ICA1L: variants seen among roughly 807,000 people sequenced by gnomAD.
ICA1L encodes the protein islet cell autoantigen 1-like protein.
Under a neutral mutation model 61.3 loss-of-function variants are expected in ICA1L, and 50 were observed. That is an observed-to-expected ratio of 0.82 (90% CI 0.65 to 1.03). The LOEUF is 1.03. Ranked by LOEUF, ICA1L falls within the 50% of genes least tolerant of loss-of-function variation. The pLI is 0.00. For synonymous variants in ICA1L, 161 were observed against 191.3 expected, an observed-to-expected ratio of 0.84 and a Z score of 1.31; for missense variants, 508 against 556.7, an observed-to-expected ratio of 0.91 and a Z score of 0.88.
chr2:202,811,754 C>A lies in ICA1L; in HGVS notation c.902G>T (p.Ser301Ile). 2.5e-6 allele frequency: 4 copies of A among 1,600,648 alleles called. No homozygotes were observed. In the South Asian group the frequency reaches 4.4e-5, roughly 18 times the overall value. Residue 301 changes from serine to isoleucine, a missense_variant, in exon 9 of 13, where the codon AGT (serine) becomes ATT (isoleucine). By Grantham distance (142) the Ser-to-Ile change is moderately radical. Coordinates refer to ENST00000358299, the MANE Select transcript of ICA1L (RefSeq NM_001288622.3). ...VLSDEEASFE[S>I]EQANKDHNEK... ...TAAATTTACCATCTTACCTTGTTCA[C>A]TCTCAAAGCTTGCTTCCTCATCAGA...
chr2:202,796,928 C>T lies in ICA1L; in HGVS notation c.947G>A (p.Arg316Lys). The change falls in exon 10 of 13, where the codon AGA becomes AAA. Residue 316 changes from arginine (R) to lysine (K), a missense_variant. Arg to Lys is a conservative substitution (Grantham distance 26). Coordinates refer to ENST00000358299, the MANE Select transcript of ICA1L (RefSeq NM_001288622.3). ...KDHNEKHSQMREFGAPQFSNS... is the reference protein window; with the variant it reads ...KDHNEKHSQMKEFGAPQFSNS... Reference sequence around the variant, plus strand: ...AGAAAACTGAGGTGCTCCAAATTCTCTCATTTGAGAATGTTTTTCATTGTG... The same window carrying T: ...AGAAAACTGAGGTGCTCCAAATTCTTTCATTTGAGAATGTTTTTCATTGTG... The T allele has an allele frequency of 6.2e-7, 1 of 1,603,452 alleles. No individual in the cohort carries two copies. The highest frequency in any genetic ancestry group is 8.5e-7 in the Non-Finnish European group (1 of 1,176,024).
chr2:202,780,816 T>TTGAG (rs1403431799), intron 12 of ICA1L, among the ~76,000 whole-genome samples: 2 of 152,288 alleles, frequency 1.3e-5, no homozygotes, highest in East Asian at 3.9e-4. Flanking sequence ...AAATCTGGCT[T>TTGAG]TGAGTCCTGG....
chr2:202,810,068 C>A (rs1330830077), intron 9 of ICA1L, among the ~76,000 whole-genome samples: 2 of 151,926 alleles, frequency 1.3e-5, no homozygotes, highest in East Asian at 3.9e-4. Context: ...CAAAGGTCAA[C>A]GATAAAGAAA....
In ICA1L at chr2:202,797,022, T is replaced by A. The variant is rs997407325; in HGVS notation, c.911-58A>T. On this transcript the variant is annotated intron_variant, in intron 9 of 12. Coordinates refer to ENST00000358299, the MANE Select transcript of ICA1L (RefSeq NM_001288622.3). ...CAAGAAGAAATTCAGCAAGCTTATT[T>A]ACTGTAATAGTCTATCATTAGGTCA... 5 of 1,132,910 alleles carry A rather than the reference T, an allele frequency of 4.4e-6. No homozygotes were observed. In the Middle Eastern group the frequency reaches 6.4e-4, roughly 145 times the overall value. 70.2% of individuals were successfully genotyped at this position (1,132,910 alleles called of 1,614,324 possible). A position where few individuals can be genotyped will look rare whatever the true frequency, so the allele number is the denominator to read the frequency against.
chr2:202,866,668 C>T (rs1016919012), intron 1 of ICA1L, among the ~76,000 whole-genome samples: 1 of 152,132 alleles, frequency 6.6e-6, no homozygotes, highest in Admixed American at 6.5e-5. Context: ...AAACTCCCGG[C>T]GAGGCGCGGT....
chr2:202,795,809 G>A (rs1272681012), intron 10 of ICA1L, among the ~76,000 whole-genome samples: 1 of 152,042 alleles, frequency 6.6e-6, no homozygotes, highest in African/African-American at 2.4e-5. Flanking sequence ...TTGGGAGGCT[G>A]AGGTGGGCAG....
At chr2:202,786,903 C>A in intron 11 of ICA1L, 1 of 340,656 alleles carries the variant, frequency 2.9e-6, no homozygotes, top group Non-Finnish European at 5.7e-6. Context: ...ATGTTTGCTA[C>A]AACATGAAAA....
chr2:202,782,947 A>G (rs575329482), intron 12 of ICA1L, among the ~76,000 whole-genome samples: 3 of 152,282 alleles, frequency 2.0e-5, no homozygotes, highest in Non-Finnish European at 4.4e-5. Flanking sequence ...TCCCTGAGGG[A>G]TGGCTGTATT....
chr2:202,798,017 T>C (rs904540634), intron 9 of ICA1L, among the ~76,000 whole-genome samples: 2 of 152,122 alleles, frequency 1.3e-5, no homozygotes, highest in Non-Finnish European at 2.9e-5. Flanking sequence ...CACATGTAAG[T>C]GAGATCATGT....
chr2:202,817,376 T>C (rs1693565746), intron 6 of ICA1L, 42 bp downstream of exon 6: 1 of 1,491,344 alleles, frequency 6.7e-7, no homozygotes, highest in Non-Finnish European at 9.0e-7. Flanking sequence ...ATCTCACCAC[T>C]CATCTTTACT....
At chr2:202,845,443 A>G (rs547624275) in intron 1 of ICA1L, among the ~76,000 whole-genome samples, 6 of 152,218 alleles carry the variant, frequency 3.9e-5, no homozygotes, top group Admixed American at 3.9e-4. Flanking sequence ...CCTGGCAAAC[A>G]TGGTGAAACC....
At chr2:202,829,067 G>A in intron 1 of ICA1L, 51 bp from the exon 2 acceptor site, 1 of 1,454,022 alleles carries the variant, frequency 6.9e-7, no homozygotes, top group Non-Finnish European at 9.2e-7. Context: ...CTCAATAATA[G>A]GCTGGGCACG....
chr2:202,851,989 G>A (rs1433109329), intron 1 of ICA1L, among the ~76,000 whole-genome samples: 1 of 152,104 alleles, frequency 6.6e-6, no homozygotes, highest in Non-Finnish European at 1.5e-5. Context: ...TTCTTTTGCT[G>A]TGCAGAAGCT....
At chr2:202,781,041 T>G (rs1471655792) in intron 12 of ICA1L, among the ~76,000 whole-genome samples, 1 of 152,180 alleles carries the variant, frequency 6.6e-6, no homozygotes, top group Non-Finnish European at 1.5e-5. Context: ...CTGAAAAGTA[T>G]GTAAATATTG....
chr2:202,841,347 T>C, intron 1 of ICA1L: 1 of 810,076 alleles, frequency 1.2e-6, no homozygotes, highest in Non-Finnish European at 2.2e-6. Flanking sequence ...CTTAAGGCTG[T>C]TGATGTAGCT....
intron 1 of ICA1L, among the ~76,000 whole-genome samples, chr2:202,836,312 T>A (rs116490789): frequency 0.017 from 2,544 of 152,330 alleles, 28 homozygotes; most frequent in Non-Finnish European, 0.025. Context: ...ATATGGTGTA[T>A]CACTATTGAT....
chr2:202,835,570 G>A (rs1207275924), intron 1 of ICA1L, among the ~76,000 whole-genome samples: 1 of 146,258 alleles, frequency 6.8e-6, no homozygotes, highest in Non-Finnish European at 1.5e-5. Flanking sequence ...TTTTTGAGAC[G>A]TAGTCTTACT....
At chr2:202,786,235 A>T (rs1378501102) in intron 11 of ICA1L, among the ~76,000 whole-genome samples, 1 of 152,236 alleles carries the variant, frequency 6.6e-6, no homozygotes, top group African/African-American at 2.4e-5. Flanking sequence ...GTTTTGAAAT[A>T]AATATGTGGG....
chr2:202,798,262 C>G (rs961897618), intron 9 of ICA1L, among the ~76,000 whole-genome samples: 1 of 152,126 alleles, frequency 6.6e-6, no homozygotes, highest in East Asian at 1.9e-4. Context: ...GGGTCATGCT[C>G]TGTTACCCAG....
Sources: gnomAD v4.1 joint callset for allele counts (sites outside exome capture counted in the v4.1 genomes callset) on GRCh38, gnomAD v4.1.1 for gene constraint, MANE v1.5 for transcripts, NCBI Gene and HGNC (gene_info 2026-07-23, HGNC 2026-07-21) for gene names.